The following ARHGEF4 variants were observed in gnomAD, a reference collection of about 807,000 sequenced individuals.
ARHGEF4 encodes the protein Rho guanine nucleotide exchange factor 4.
Under a neutral mutation model 162.0 loss-of-function variants are expected in ARHGEF4, and 119 were observed. That is an observed-to-expected ratio of 0.73 (90% CI 0.63 to 0.86). The LOEUF is 0.86. Among genes scored for constraint, ARHGEF4 ranks in the 40% least tolerant of loss-of-function variants. ARHGEF4 has a pLI of 0.00. For missense variants in ARHGEF4, 2,488 were observed against 2,456.0 expected, an observed-to-expected ratio of 1.01 and a Z score of -0.28; for synonymous variants, 1,014 against 979.9, an observed-to-expected ratio of 1.03 and a Z score of -0.65.
intron 4 of ARHGEF4, among the ~76,000 whole-genome samples, chr2:130,983,313 G>T (rs1226939917): frequency 6.6e-6 from 1 of 152,184 alleles, no homozygotes; most frequent in East Asian, 1.9e-4. Context: ...CATGGGCATT[G>T]TCACTAATAA....
chr2:130,941,618 A>C, intron 3 of ARHGEF4, among the ~76,000 whole-genome samples: 1 of 152,342 alleles, frequency 6.6e-6, no homozygotes, highest in South Asian at 2.1e-4. Context: ...GTAAGATATT[A>C]TAAGTAGTAT....
intron 4 of ARHGEF4, among the ~76,000 whole-genome samples, chr2:131,024,938 T>C (rs949247645): frequency 6.6e-6 from 1 of 152,066 alleles, no homozygotes; most frequent in South Asian, 2.1e-4. Flanking sequence ...ATAAAAATCA[T>C]GAGTGTTCCT....
At chr2:130,874,765 C>T (rs758850313) in intron 1 of ARHGEF4, among the ~76,000 whole-genome samples, 28 of 152,170 alleles carry the variant, frequency 1.8e-4, no homozygotes, top group Non-Finnish European at 3.7e-4. Flanking sequence ...GCCCTTCTTT[C>T]ATAACCACTG....
intron 4 of ARHGEF4, among the ~76,000 whole-genome samples, chr2:130,990,443 T>C (rs936781745): frequency 2.6e-5 from 4 of 152,172 alleles, no homozygotes; most frequent in Admixed American, 2.6e-4. Context: ...TTTAGAACCC[T>C]AGAAGGTGCA....
Position 130,836,929 on chromosome 2 carries a change from G to C in ARHGEF4, c.-25G>C. On this transcript the variant is annotated 5_prime_UTR_variant, in exon 1 of 14. Transcript: ENST00000409359. ...GGCGCGGCTCGTAGTGCTGCGGCCG[G>C]GCTCCGGGCGTCCCGGCGGCCACCA... 1 of 1,223,922 alleles carries C rather than the reference G, an allele frequency of 8.2e-7. No individual in the cohort carries two copies. The highest frequency in any genetic ancestry group is 3.2e-5 in the East Asian group (1 of 31,086). The allele number at this position is 1,223,922 out of a possible 1,614,324, so 75.8% of individuals were successfully genotyped here.
At chr2:130,877,261 A>G (rs767127256) in intron 1 of ARHGEF4, among the ~76,000 whole-genome samples, 21 of 152,196 alleles carry the variant, frequency 1.4e-4, no homozygotes, top group Non-Finnish European at 2.5e-4. Flanking sequence ...TTTTTAAAAA[A>G]AATCATTTAT....
rs1681423786 is a variant in ARHGEF4, at chr2:130,915,484, G to C, written c.1538G>C (p.Ser513Thr). 1 of 1,550,560 alleles carries C rather than the reference G, an allele frequency of 6.4e-7. No homozygotes were observed. Among genetic ancestry groups the C allele is most frequent in the Non-Finnish European group, 8.7e-7 (1 of 1,147,004 alleles). The change falls in exon 2 of 14, where the codon AGC (serine) becomes ACC (threonine). Residue 513 changes from serine (S) to threonine (T), a missense_variant. Ser to Thr is a moderately conservative substitution (Grantham distance 58, BLOSUM62 1). Transcript: ENST00000409359. ...TSNYTSKYVL[S>T]EESKSPTRAK... Reference sequence around the variant, plus strand: ...AATTACACATCAAAGTATGTGCTCAGCGAGGAAAGCAAGTCACCTACCAGG... The same window carrying C: ...AATTACACATCAAAGTATGTGCTCACCGAGGAAAGCAAGTCACCTACCAGG...
At chr2:131,006,663 T>C (rs1688130770) in intron 4 of ARHGEF4, among the ~76,000 whole-genome samples, 1 of 152,196 alleles carries the variant, frequency 6.6e-6, no homozygotes, top group African/African-American at 2.4e-5. Flanking sequence ...CTAGGCATCT[T>C]TTATGCTTTT....
intron 4 of ARHGEF4, among the ~76,000 whole-genome samples, chr2:130,960,840 T>C (rs1243447467): frequency 6.6e-6 from 1 of 152,100 alleles, no homozygotes; most frequent in Admixed American, 6.5e-5. Flanking sequence ...ATAGATCCCC[T>C]TTTCACACTG....
rs1044852455 is a variant in ARHGEF4, at chr2:130,916,824, G to T, written c.2878G>T (p.Asp960Tyr). 9 of 1,550,436 alleles carry T rather than the reference G, an allele frequency of 5.8e-6. No homozygotes were observed. The highest frequency in any genetic ancestry group is 7.8e-6 in the Non-Finnish European group (9 of 1,146,986). The change falls in exon 2 of 14, where the codon GAT (aspartate) becomes TAT (tyrosine). Residue 960 changes from aspartate to tyrosine, a missense_variant. Physicochemically the swap from Asp to Tyr is radical, Grantham distance 160. Around this residue, in one of 6 missense-constraint regions of ARHGEF4, gnomAD observed 1,642 missense variants for 1,481.5 expected, o/e 1.11. Transcript: ENST00000409359. ...GSWRAFLKSKDAGSPKKPTLV... is the reference protein window; with the variant it reads ...GSWRAFLKSKYAGSPKKPTLV... Reference sequence around the variant, plus strand: ...CTGGCGGGCGTTTCTGAAAAGCAAAGATGCCGGAAGCCCCAAAAAGCCCAC... The same window carrying T: ...CTGGCGGGCGTTTCTGAAAAGCAAATATGCCGGAAGCCCCAAAAAGCCCAC...
chr2:130,916,650 G>C lies in ARHGEF4; in HGVS notation c.2704G>C (p.Glu902Gln), dbSNP rs758126310. ...CAACGCAAAGAGACTCAAAACAACG[G>C]AGAAAAAACTCAGGGCAAGGTTGGC... ...SCNAKRLKTT[E>Q]KKLRARLALA... The change falls in exon 2 of 14, where the codon GAG becomes CAG. Residue 902 changes from glutamate to glutamine, a missense_variant. By Grantham distance (29) the Glu-to-Gln change is conservative (BLOSUM62 2). Transcript: ENST00000409359. 3.9e-6 allele frequency: 6 copies of C among 1,550,572 alleles called. No homozygotes were observed. The South Asian group carries it at 7.1e-5, about 18-fold the overall frequency.
At chr2:130,923,933 T>G (rs905687382) in intron 2 of ARHGEF4, among the ~76,000 whole-genome samples, 4 of 149,926 alleles carry the variant, frequency 2.7e-5, no homozygotes, top group East Asian at 3.9e-4. Flanking sequence ...CAGGCTGGAG[T>G]GCAGTGGCAC....
At chr2:130,994,457 G>A (rs775335327) in intron 4 of ARHGEF4, among the ~76,000 whole-genome samples, 2 of 152,028 alleles carry the variant, frequency 1.3e-5, no homozygotes, top group Non-Finnish European at 2.9e-5. Flanking sequence ...TATAAATCAG[G>A]ACTTTTAACA....
intron 4 of ARHGEF4, among the ~76,000 whole-genome samples, chr2:130,971,655 CAAA>C (rs35136790): frequency 3.9e-5 from 4 of 101,350 alleles, no homozygotes; most frequent in Non-Finnish European, 7.4e-5. Flanking sequence ...GAGACTGTCT[CAAA>C]AAAAAAAAAA....
Position 131,004,314 on chromosome 2 carries a change from C to T in ARHGEF4, c.3986-23631C>T, listed in dbSNP as rs758226593. Among the ~76,000 whole-genome samples the T allele has an allele frequency of 5.3e-5, 8 of 152,086 alleles. No individual in the cohort carries two copies. The East Asian group carries it at 5.8e-4, about 11-fold the overall frequency. Reference sequence around the variant, plus strand: ...CCGAGTAGCTGGGACTACAGGCCCCCGCCACCATGCTTGTCTAATTTTTTG... The same window carrying T: ...CCGAGTAGCTGGGACTACAGGCCCCTGCCACCATGCTTGTCTAATTTTTTG... On this transcript the variant is annotated intron_variant, in intron 4 of 13. Coordinates refer to ENST00000409359, the MANE Select transcript of ARHGEF4 (RefSeq NM_001367493.1).
intron 3 of ARHGEF4, among the ~76,000 whole-genome samples, chr2:130,939,558 T>G (rs1415193753): frequency 6.6e-6 from 1 of 152,166 alleles, no homozygotes; most frequent in African/African-American, 2.4e-5. Flanking sequence ...TTCAACATTG[T>G]TTTACACGTT....
intron 5 of ARHGEF4, among the ~76,000 whole-genome samples, chr2:131,029,884 C>T (rs1689725350): frequency 6.6e-6 from 1 of 152,242 alleles, no homozygotes; most frequent in African/African-American, 2.4e-5. Flanking sequence ...ACTCAGGCTG[C>T]CTCCTCCATC....
At chr2:130,928,067 G>A (rs1682403771) in intron 2 of ARHGEF4, among the ~76,000 whole-genome samples, 1 of 151,406 alleles carries the variant, frequency 6.6e-6, no homozygotes, top group South Asian at 2.1e-4. Flanking sequence ...GGTCATTTTA[G>A]TGTGTTGAAG....
chr2:130,954,180 T>G (rs1261634322), intron 4 of ARHGEF4, among the ~76,000 whole-genome samples: 1 of 152,212 alleles, frequency 6.6e-6, no homozygotes. Context: ...TAGACTGGAT[T>G]AAGAAAATGT....
Sources: allele counts gnomAD v4.1 joint callset (sites outside exome capture counted in the v4.1 genomes callset), GRCh38; gene constraint gnomAD v4.1.1; regional missense constraint gnomAD v4.1.1; transcripts MANE v1.5; gene names NCBI Gene and HGNC (gene_info 2026-07-23, HGNC 2026-07-21).